MCPH1: variants seen among roughly 807,000 people sequenced by gnomAD.
MCPH1 encodes the protein microcephalin 1.
A neutral mutation model predicts 84.5 loss-of-function variants in MCPH1; 104 were observed. The ratio of observed to expected loss-of-function variants is 1.23; its 90% CI spans 1.05 to 1.45. The LOEUF (loss-of-function observed/expected upper bound fraction) is 1.45. Ranked by LOEUF, MCPH1 falls within the 40% of genes most tolerant of loss-of-function variation. The probability of loss-of-function intolerance (pLI) is 0.00; values close to 1 mark genes in which losing one functional copy is unlikely to be tolerated. For missense variants in MCPH1, 1,498 were observed against 1,005.7 expected (o/e 1.49, Z -6.62); for synonymous variants, 514 against 366.8 (o/e 1.40, Z -4.58).
At chr8:6,620,712 A>G in intron 12 of MCPH1, among the ~76,000 whole-genome samples, 1 of 152,224 alleles carries the variant, frequency 6.6e-6, no homozygotes, top group Non-Finnish European at 1.5e-5. Context: ...AGAAGTCTTT[A>G]CCAACCCGTA....
Position 6,444,801 on chromosome 8 carries a change from C to T in MCPH1, c.1079C>T (p.Ser360Leu). ...RSSSVKRKRV[S>L]HGSHSPPKEK... is the part of the protein sequence containing the mutation. ...TCCTCAGTAAAGAGAAAAAGAGTAT[C>T]ACATGGCTCCCATTCACCTCCGAAG... The change falls in exon 8 of 14, where the codon TCA (serine) becomes TTA (leucine). Residue 360 changes from serine to leucine, a missense_variant. Physicochemically the swap from Ser to Leu is moderately radical, Grantham distance 145. Coordinates refer to ENST00000344683, the MANE Select transcript of MCPH1 (RefSeq NM_024596.5). 6.2e-7 allele frequency: 1 copy of T among 1,614,046 alleles called. No individual in the cohort carries two copies.
rs185150088 is a variant in MCPH1, at chr8:6,523,159, G to A, written c.2214+23230G>A. Reference sequence around the variant, plus strand: ...ACTACAGGCGCATGTCACCATGTCAGGCTAACTTTTTGTATTTTTAGTAGA... The same window carrying A: ...ACTACAGGCGCATGTCACCATGTCAAGCTAACTTTTTGTATTTTTAGTAGA... On this transcript the variant is annotated intron_variant, in intron 12 of 13. Transcript: ENST00000344683. Among the ~76,000 whole-genome samples the A allele has an allele frequency of 2.1e-3, 312 of 152,156 alleles. 9 individuals carry two copies. The South Asian group carries it at 0.043, about 21-fold the overall frequency.
intron 12 of MCPH1, chr8:6,617,086 C>A (rs970239824): frequency 3.3e-5 from 5 of 151,988 alleles, no homozygotes; most frequent in African/African-American, 1.2e-4. Context: ...ATGCTTCCTA[C>A]CTTGTAGGAA....
At chr8:6,593,789 C>T (rs1384659602) in intron 12 of MCPH1, among the ~76,000 whole-genome samples, 2 of 152,208 alleles carry the variant, frequency 1.3e-5, no homozygotes, top group Non-Finnish European at 2.9e-5. Flanking sequence ...TCGCATAGGA[C>T]TTCTCAAGAA....
chr8:6,441,978 C>G (rs911871456), intron 6 of MCPH1, 89 bp from the exon 7 acceptor site: 9 of 864,950 alleles, frequency 1.0e-5, no homozygotes, highest in South Asian at 6.9e-5. Flanking sequence ...ATAGAATCAC[C>G]TATGATTAAT....
intron 12 of MCPH1, among the ~76,000 whole-genome samples, chr8:6,529,942 C>T (rs551714190): frequency 1.9e-4 from 29 of 151,758 alleles, no homozygotes; most frequent in Middle Eastern, 3.4e-3. Flanking sequence ...AGTCTCTGAC[C>T]GCTATAGGAT....
In MCPH1 at chr8:6,445,523, A is replaced by C. The variant is rs879247468; in HGVS notation, c.1801A>C (p.Asn601His). ...NMETSTEEKE[N>H]LPGGYSGSVK... Reference sequence around the variant, plus strand: ...GGAGACGTCTACAGAAGAGAAGGAAAACTTACCCGGAGGATACAGTGGAAG... The same window carrying C: ...GGAGACGTCTACAGAAGAGAAGGAACACTTACCCGGAGGATACAGTGGAAG... Residue 601 changes from asparagine to histidine, a missense_variant, in exon 8 of 14, where the codon AAC (asparagine) becomes CAC (histidine). By Grantham distance (68) the Asn-to-His change is moderately conservative. Transcript: ENST00000344683. The C allele has an allele frequency of 6.2e-7, 1 of 1,606,220 alleles. No individual in the cohort carries two copies. Among genetic ancestry groups the C allele is most frequent in the Admixed American group, 1.7e-5 (1 of 58,684 alleles).
At chr8:6,424,658 A>G (rs1800792917) in intron 3 of MCPH1, among the ~76,000 whole-genome samples, 2 of 152,226 alleles carry the variant, frequency 1.3e-5, no homozygotes, top group Admixed American at 6.5e-5. Flanking sequence ...ATATCACATC[A>G]ATGTGTAACA....
At chr8:6,610,626 C>T (rs1434423272) in intron 12 of MCPH1, among the ~76,000 whole-genome samples, 1 of 152,124 alleles carries the variant, frequency 6.6e-6, no homozygotes, top group Non-Finnish European at 1.5e-5. Context: ...TCTTTTCCCC[C>T]ATGATGAAAA....
At chr8:6,642,440 G>A (rs558120297) in intron 13 of MCPH1, among the ~76,000 whole-genome samples, 2 of 152,100 alleles carry the variant, frequency 1.3e-5, no homozygotes, top group Admixed American at 6.6e-5. Context: ...AGTTTCAAAC[G>A]GATGGGACTT....
At chr8:6,428,745 G>GCACACACACA (rs59969242) in intron 3 of MCPH1, among the ~76,000 whole-genome samples, 327 of 149,546 alleles carry the variant, frequency 2.2e-3, no homozygotes, top group African/African-American at 7.1e-3. Context: ...ACGTGCGCAC[G>GCACACACACA]CACACACACA....
At chr8:6,480,396 G>A (rs1809046153) in intron 10 of MCPH1, among the ~76,000 whole-genome samples, 1 of 152,166 alleles carries the variant, frequency 6.6e-6, no homozygotes, top group Non-Finnish European at 1.5e-5. Context: ...CGGGATTACA[G>A]GTGTGAGCCA....
rs765779255 is a variant in MCPH1, at chr8:6,480,750, G to T, written c.2010G>T (p.Leu670Phe). The T allele has an allele frequency of 6.2e-7, 1 of 1,614,190 alleles. No individual in the cohort carries two copies. The highest frequency in any genetic ancestry group is 8.5e-7 in the Non-Finnish European group (1 of 1,180,044). ...QNVVIQVVDK[L>F]KGFSIAPDVC... The stretch of plus-strand genomic sequence containing the variant: ...TCGTCATCCAGGTTGTGGATAAATT[G>T]AAAGGCTTTTCAATTGCACCAGACG... Residue 670 changes from leucine (L) to phenylalanine (F), a missense_variant, in exon 11 of 14, where the codon TTG (leucine) becomes TTT (phenylalanine). Leu to Phe is a conservative substitution (Grantham distance 22, BLOSUM62 0). Coordinates refer to ENST00000344683, the MANE Select transcript of MCPH1 (RefSeq NM_024596.5).
intron 13 of MCPH1, among the ~76,000 whole-genome samples, chr8:6,623,495 T>C (rs1387149443): frequency 6.6e-6 from 1 of 152,076 alleles, no homozygotes; most frequent in Non-Finnish European, 1.5e-5. Context: ...CATCATCTGC[T>C]CAACATTATC....
intron 10 of MCPH1, among the ~76,000 whole-genome samples, chr8:6,479,509 A>C (rs1477799614): frequency 6.6e-6 from 1 of 151,406 alleles, no homozygotes; most frequent in Admixed American, 6.6e-5. Flanking sequence ...ATCTCCTCCC[A>C]CTGCAAGCTC....
chr8:6,456,733 G>A (rs1805720417), intron 9 of MCPH1, among the ~76,000 whole-genome samples: 1 of 151,216 alleles, frequency 6.6e-6, no homozygotes, highest in South Asian at 2.1e-4. Context: ...ACTCCGTCCT[G>A]TCTGATCAAA....
intron 3 of MCPH1, among the ~76,000 whole-genome samples, chr8:6,429,864 C>A (rs1283247146): frequency 6.6e-6 from 1 of 152,198 alleles, no homozygotes; most frequent in Admixed American, 6.5e-5. Flanking sequence ...CCCTCCCTCA[C>A]ACCTGTCCCC....
At chr8:6,530,194 G>T (rs975954147) in intron 12 of MCPH1, among the ~76,000 whole-genome samples, 10 of 152,078 alleles carry the variant, frequency 6.6e-5, no homozygotes, top group Admixed American at 6.6e-4. Flanking sequence ...ATTTTAATAG[G>T]TTGGTGCAAT....
intron 13 of MCPH1, among the ~76,000 whole-genome samples, chr8:6,639,165 A>T (rs1254619219): frequency 6.6e-6 from 1 of 152,098 alleles, no homozygotes; most frequent in Non-Finnish European, 1.5e-5. Context: ...GGAAGGGTGG[A>T]TGGGTGGATG....
Sources: allele counts gnomAD v4.1 joint callset (sites outside exome capture counted in the v4.1 genomes callset), GRCh38; gene constraint gnomAD v4.1.1; transcripts MANE v1.5; gene names NCBI Gene and HGNC (gene_info 2026-07-23, HGNC 2026-07-21).